The following KLHL1 variants were observed in gnomAD, a reference collection of about 807,000 sequenced individuals.
KLHL1 encodes kelch-like protein 1.
In KLHL1, 47 loss-of-function variants were observed where a neutral mutation model predicts 77.7. The ratio of observed to expected loss-of-function variants is 0.60; its 90% confidence interval spans 0.48 to 0.77. KLHL1 has a LOEUF of 0.77. Ranked by LOEUF, KLHL1 falls within the 30% of genes least tolerant of loss-of-function variation. The probability of loss-of-function intolerance (pLI) is 0.00; values close to 1 mark genes in which losing one functional copy is unlikely to be tolerated. For synonymous variants in KLHL1, 360 were observed against 325.2 expected (o/e 1.11, Z -1.15); for missense variants, 925 against 910.8 (o/e 1.02, Z -0.20).
At chr13:69,798,121 T>G (rs1192428250) in intron 6 of KLHL1, among the ~76,000 whole-genome samples, 1 of 152,128 alleles carries the variant, frequency 6.6e-6, no homozygotes, top group African/African-American at 2.4e-5. Context: ...TAACAGACAC[T>G]GATCTTGATG....
intron 5 of KLHL1, among the ~76,000 whole-genome samples, chr13:69,861,837 T>C (rs892473449): frequency 6.8e-6 from 1 of 147,060 alleles, no homozygotes; most frequent in Non-Finnish European, 1.5e-5. Flanking sequence ...TGGTGGCGAA[T>C]GCTTGTAATC....
intron 4 of KLHL1, among the ~76,000 whole-genome samples, chr13:69,934,479 G>A (rs963030949): frequency 2.0e-5 from 3 of 152,006 alleles, no homozygotes; most frequent in African/African-American, 7.2e-5. Flanking sequence ...GTGAGTGGGT[G>A]TATACGCCTC....
intron 7 of KLHL1, among the ~76,000 whole-genome samples, chr13:69,756,109 A>C (rs1397688942): frequency 6.6e-6 from 1 of 152,100 alleles, no homozygotes; most frequent in Non-Finnish European, 1.5e-5. Flanking sequence ...CCTGAGCCAC[A>C]TAAGTAAGTT....
intron 1 of KLHL1, among the ~76,000 whole-genome samples, chr13:70,089,753 G>C (rs1887629576): frequency 6.6e-6 from 1 of 152,030 alleles, no homozygotes; most frequent in African/African-American, 2.4e-5. Context: ...TATTTCACAA[G>C]AGACCATGTA....
At chr13:69,826,043 A>G (rs1878531785) in intron 6 of KLHL1, among the ~76,000 whole-genome samples, 1 of 152,212 alleles carries the variant, frequency 6.6e-6, no homozygotes, top group Non-Finnish European at 1.5e-5. Context: ...TTAAGTGAAC[A>G]TTATGTTAAG....
chr13:69,843,735 T>C (rs187088883), intron 5 of KLHL1, among the ~76,000 whole-genome samples: 18 of 151,868 alleles, frequency 1.2e-4, no homozygotes, highest in Admixed American at 7.9e-4. Flanking sequence ...CAATAAGTGG[T>C]ATCTTCTACT....
chr13:69,711,155 G>A (rs1875859096), intron 9 of KLHL1, among the ~76,000 whole-genome samples: 1 of 151,982 alleles, frequency 6.6e-6, no homozygotes, highest in South Asian at 2.1e-4. Flanking sequence ...GAGGAAAATT[G>A]TTTTAAATAT....
chr13:70,081,769 TA>T (rs1887397993), intron 1 of KLHL1, among the ~76,000 whole-genome samples: 1 of 152,202 alleles, frequency 6.6e-6, no homozygotes, highest in Non-Finnish European at 1.5e-5. Context: ...GCAGAAGACC[TA>T]GGTAAGCTAC....
intron 1 of KLHL1, among the ~76,000 whole-genome samples, chr13:70,094,405 A>G (rs1887740695): frequency 6.6e-6 from 1 of 150,670 alleles, no homozygotes; most frequent in South Asian, 2.1e-4. Flanking sequence ...ATATATATAT[A>G]TATATGAATA....
intron 6 of KLHL1, among the ~76,000 whole-genome samples, chr13:69,813,459 T>C (rs1348204028): frequency 1.4e-5 from 2 of 141,768 alleles, no homozygotes; most frequent in South Asian, 2.2e-4. Flanking sequence ...TATAAAAAAA[T>C]ACACACATAT....
intron 1 of KLHL1, among the ~76,000 whole-genome samples, chr13:69,982,265 C>A (rs1192726498): frequency 1.3e-5 from 2 of 151,578 alleles, no homozygotes; most frequent in African/African-American, 4.8e-5. Flanking sequence ...GAAACCCTGT[C>A]TCTGCTAAAA....
intron 5 of KLHL1, among the ~76,000 whole-genome samples, chr13:69,845,958 TAATAGTTTACTATAATAC>T (rs1472337145): frequency 4.0e-5 from 6 of 151,430 alleles, no homozygotes; most frequent in Non-Finnish European, 7.4e-5. Context: ...AACTATAATA[TAATAGTTTACTATAATAC>T]ATACAGGAAA....
At chr13:70,002,680 A>C (rs2137327547) in intron 1 of KLHL1, among the ~76,000 whole-genome samples, 1 of 151,848 alleles carries the variant, frequency 6.6e-6, no homozygotes, top group South Asian at 2.1e-4. Flanking sequence ...CAAAAGCATA[A>C]GTTGTTCAAG....
At chr13:69,732,851 T>G (rs1873609256) in intron 8 of KLHL1, among the ~76,000 whole-genome samples, 2 of 152,112 alleles carry the variant, frequency 1.3e-5, no homozygotes, top group East Asian at 3.9e-4. Flanking sequence ...GTCCCAGGTC[T>G]TTCCTTCTGA....
intron 4 of KLHL1, among the ~76,000 whole-genome samples, chr13:69,939,390 C>CACACACACACACAT (rs1243271608): frequency 4.0e-5 from 5 of 124,160 alleles, no homozygotes; most frequent in African/African-American, 1.6e-4. Context: ...CACACACACA[C>CACACACACACACAT]GCACACACAT....
At chr13:69,779,411 T>C (rs529974625) in intron 7 of KLHL1, among the ~76,000 whole-genome samples, 1 of 147,766 alleles carries the variant, frequency 6.8e-6, no homozygotes, top group South Asian at 2.3e-4. Context: ...TTCCCTCCTT[T>C]CCTTCCCTTT....
At chr13:69,933,482 G>A (rs887647436) in intron 4 of KLHL1, among the ~76,000 whole-genome samples, 4 of 151,976 alleles carry the variant, frequency 2.6e-5, no homozygotes, top group East Asian at 1.9e-4. Flanking sequence ...GAAACATGTC[G>A]GGTATTTTAA....
intron 4 of KLHL1, among the ~76,000 whole-genome samples, chr13:69,887,297 A>T (rs1881255527): frequency 6.6e-6 from 1 of 152,110 alleles, no homozygotes; most frequent in Admixed American, 6.6e-5. Context: ...CTTCTATTTC[A>T]TCGGATATAA....
chr13:69,831,334 C>G (rs936105716), intron 6 of KLHL1, among the ~76,000 whole-genome samples: 2 of 149,690 alleles, frequency 1.3e-5, no homozygotes, highest in Non-Finnish European at 3.0e-5. Flanking sequence ...CATGCACAAG[C>G]TAGAAAAGCT....
Sources: allele counts gnomAD v4.1 joint callset (sites outside exome capture counted in the v4.1 genomes callset), GRCh38; gene constraint gnomAD v4.1.1; transcripts MANE v1.5; gene names NCBI Gene and HGNC (gene_info 2026-07-23, HGNC 2026-07-21).